Variants in CCDC126 observed in about 807,000 individuals in gnomAD.
CCDC126 encodes the protein coiled-coil domain-containing protein 126.
A neutral mutation model predicts 11.7 loss-of-function variants in CCDC126; 5 were observed. The observed-to-expected ratio is 0.43, with a 90% confidence interval of 0.22 to 0.90. CCDC126 has a LOEUF of 0.90. Among genes scored for constraint, CCDC126 ranks in the 40% least tolerant of loss-of-function variants. CCDC126 has a pLI of 0.27. For missense variants in CCDC126, 150 were observed against 163.1 expected (o/e 0.92, Z 0.44); for synonymous variants, 60 against 61.9 (o/e 0.97, Z 0.14).
chr7:23,608,830 A>G (rs1352568208), intron 2 of CCDC126, among the ~76,000 whole-genome samples: 2 of 152,196 alleles, frequency 1.3e-5, no homozygotes, highest in African/African-American at 4.8e-5. Flanking sequence ...GAATTTTATT[A>G]TTACTCAAAC....
chr7:23,600,962 C>A (rs1037860032), intron 2 of CCDC126, among the ~76,000 whole-genome samples: 1 of 151,790 alleles, frequency 6.6e-6, no homozygotes, highest in Non-Finnish European at 1.5e-5. Context: ...TGCAGTCAGT[C>A]CTAGCTACTA....
rs117822079 is a variant in CCDC126 at position 23,625,529 on chromosome 7, G to T, written c.238+13976G>T. ...TTGGATTTATTTGCTTTCAGGGGAGGTTAAAAGATTTTTTTAAATGTTTGT... is the reference window on the plus strand; with the variant it reads ...TTGGATTTATTTGCTTTCAGGGGAGTTTAAAAGATTTTTTTAAATGTTTGT... On this transcript the variant is annotated intron_variant, in intron 3 of 3. Coordinates refer to ENST00000307471, the MANE Select transcript of CCDC126 (RefSeq NM_138771.4). 1.7e-3 allele frequency among the ~76,000 whole-genome samples: 265 copies of T among 151,966 alleles called. 4 individuals are homozygous for T. In the East Asian group the frequency reaches 0.045, roughly 26 times the overall value.
intron 2 of CCDC126, among the ~76,000 whole-genome samples, chr7:23,607,440 A>G (rs1228259718): frequency 6.6e-6 from 1 of 152,232 alleles, no homozygotes; most frequent in East Asian, 1.9e-4. Flanking sequence ...AGCTTTGAAC[A>G]TTGCACAGAA....
chr7:23,617,648 G>A (rs576573841), intron 3 of CCDC126, among the ~76,000 whole-genome samples: 2 of 152,128 alleles, frequency 1.3e-5, no homozygotes, highest in East Asian at 1.9e-4. Context: ...TGCAGTAAGG[G>A]CACAGTGCTC....
At chr7:23,630,360 G>A (rs1159798879) in intron 3 of CCDC126, among the ~76,000 whole-genome samples, 1 of 152,150 alleles carries the variant, frequency 6.6e-6, no homozygotes, top group East Asian at 1.9e-4. Context: ...TTAGCTGCTT[G>A]TGGTTGTGCA....
At chr7:23,609,919 G>A (rs769948089) in intron 2 of CCDC126, among the ~76,000 whole-genome samples, 14 of 152,214 alleles carry the variant, frequency 9.2e-5, no homozygotes, top group African/African-American at 3.1e-4. Flanking sequence ...TTTTCAGTAA[G>A]CTGTGAAATA....
chr7:23,624,950 C>T (rs1458572107), intron 3 of CCDC126, among the ~76,000 whole-genome samples: 8 of 152,026 alleles, frequency 5.3e-5, no homozygotes, highest in Admixed American at 5.2e-4. Context: ...TCAGGTGATC[C>T]CCCCACCTTA....
intron 3 of CCDC126, among the ~76,000 whole-genome samples, chr7:23,620,034 A>G (rs924775180): frequency 2.8e-4 from 42 of 152,134 alleles, no homozygotes; most frequent in African/African-American, 7.7e-4. Context: ...TAGTGCTGCA[A>G]TAAACATACG....
At chr7:23,614,254 G>T (rs1337580033) in intron 3 of CCDC126, among the ~76,000 whole-genome samples, 2 of 152,174 alleles carry the variant, frequency 1.3e-5, no homozygotes, top group Non-Finnish European at 2.9e-5. Context: ...ATCCTTTGTT[G>T]TCATTTCAAC....
At chr7:23,639,715 T>G (rs1308139949) in intron 3 of CCDC126, among the ~76,000 whole-genome samples, 1 of 152,228 alleles carries the variant, frequency 6.6e-6, no homozygotes, top group Non-Finnish European at 1.5e-5. Flanking sequence ...CCATAAGACT[T>G]GCTCCAAATA....
intron 2 of CCDC126, among the ~76,000 whole-genome samples, chr7:23,606,078 A>C (rs978944697): frequency 1.3e-5 from 2 of 151,730 alleles, no homozygotes; most frequent in African/African-American, 4.9e-5. Context: ...TATGTTTTTG[A>C]GACCGAGTCT....
chr7:23,618,498 A>C (rs1360061089), intron 3 of CCDC126, among the ~76,000 whole-genome samples: 1 of 148,466 alleles, frequency 6.7e-6, no homozygotes. Context: ...CCAGGCACTT[A>C]GTGGCTACCT....
At chr7:23,636,750 A>G (rs951385426) in intron 3 of CCDC126, among the ~76,000 whole-genome samples, 2 of 124,432 alleles carry the variant, frequency 1.6e-5, no homozygotes, top group South Asian at 2.8e-4. Flanking sequence ...CCCGGCAGCC[A>G]CCCCGTCCGG....
chr7:23,607,759 C>A (rs227919), intron 2 of CCDC126, among the ~76,000 whole-genome samples: 1 of 152,010 alleles, frequency 6.6e-6, no homozygotes, highest in Non-Finnish European at 1.5e-5. Flanking sequence ...CTGGGGGTAA[C>A]GACTCAGGTT....
chr7:23,604,465 G>T (rs993235174), intron 2 of CCDC126, among the ~76,000 whole-genome samples: 14 of 152,122 alleles, frequency 9.2e-5, no homozygotes, highest in African/African-American at 3.4e-4. Flanking sequence ...TTTTATTTGA[G>T]TCTGTTAAGA....
intron 3 of CCDC126, among the ~76,000 whole-genome samples, chr7:23,642,098 GCCT>G (rs2128023516): frequency 6.6e-6 from 1 of 152,236 alleles, no homozygotes; most frequent in South Asian, 2.1e-4. Context: ...TGCAAGCTCT[GCCT>G]CCCCGGTTCA....
At chr7:23,630,956 A>G (rs138225559) in intron 3 of CCDC126, among the ~76,000 whole-genome samples, 264 of 152,224 alleles carry the variant, frequency 1.7e-3, no homozygotes, top group Middle Eastern at 3.4e-3. Flanking sequence ...AGGGAAATGA[A>G]TACAAATGAA....
intron 3 of CCDC126, among the ~76,000 whole-genome samples, chr7:23,641,798 A>T (rs1338573842): frequency 6.6e-6 from 1 of 152,244 alleles, no homozygotes; most frequent in Non-Finnish European, 1.5e-5. Flanking sequence ...TAACATTACA[A>T]AGAGGTTAGA....
At chr7:23,613,054 T>G (rs1205846340) in intron 3 of CCDC126, among the ~76,000 whole-genome samples, 1 of 152,228 alleles carries the variant, frequency 6.6e-6, no homozygotes, top group East Asian at 1.9e-4. Context: ...CTCACATCTG[T>G]AACCCCAGCA....
Sources: allele counts gnomAD v4.1 joint callset (sites outside exome capture counted in the v4.1 genomes callset), GRCh38; gene constraint gnomAD v4.1.1; transcripts MANE v1.5; gene names NCBI Gene and HGNC (gene_info 2026-07-23, HGNC 2026-07-21).